HS3ST4: variants seen among roughly 807,000 people sequenced by gnomAD.
HS3ST4 encodes heparan sulfate glucosamine 3-O-sulfotransferase 4.
In HS3ST4, 17 loss-of-function variants were observed where a neutral mutation model predicts 29.2. That is an observed-to-expected ratio of 0.58 (90% CI 0.40 to 0.87). The LOEUF is 0.87. Among genes scored for constraint, HS3ST4 ranks in the 40% least tolerant of loss-of-function variants. HS3ST4 has a pLI of 0.00. For synonymous variants in HS3ST4, 314 were observed against 285.7 expected (o/e 1.10, Z -1.00); for missense variants, 627 against 634.5 (o/e 0.99, Z 0.13).
At chr16:25,729,936 C>G (rs757602273) in intron 1 of HS3ST4, among the ~76,000 whole-genome samples, 8 of 152,150 alleles carry the variant, frequency 5.3e-5, no homozygotes, top group South Asian at 2.1e-4. Flanking sequence ...CATACACAGG[C>G]AGCAATCTGT....
intron 1 of HS3ST4, among the ~76,000 whole-genome samples, chr16:25,928,153 G>A (rs984363930): frequency 4.1e-5 from 6 of 147,978 alleles, no homozygotes; most frequent in East Asian, 2.0e-4. Context: ...CTATGATCAC[G>A]CCATTGCACT....
Position 25,788,540 on chromosome 16 carries a change from C to CTTTTTTTTTTT in HS3ST4, c.734+95392_734+95393insTTTTTTTTTTT, listed in dbSNP as rs34729954. Among the ~76,000 whole-genome samples, 27 of 99,062 alleles carry CTTTTTTTTTTT rather than the reference C, an allele frequency of 2.7e-4. 1 individual carries two copies. The highest frequency in any genetic ancestry group is 4.8e-4 in the Admixed American group (4 of 8,326). 65.0% of individuals were successfully genotyped at this position (99,062 alleles called of 152,430 possible). On this transcript the variant is annotated intron_variant, in intron 1 of 1. Coordinates refer to ENST00000331351, the MANE Select transcript of HS3ST4 (RefSeq NM_006040.3). ...TTCCTACATTTTTTTTTCTTTTCTT[C>CTTTTTTTTTTT]TTTCTTTTTTTTTTTTTTTTGACAG...
chr16:26,045,265 C>T (rs1191354062), intron 1 of HS3ST4, among the ~76,000 whole-genome samples: 3 of 152,072 alleles, frequency 2.0e-5, no homozygotes, highest in Non-Finnish European at 4.4e-5. Context: ...ATGACCTCTA[C>T]CCTTTCTGAA....
intron 1 of HS3ST4, among the ~76,000 whole-genome samples, chr16:25,979,248 G>T (rs1477784668): frequency 2.0e-5 from 3 of 152,110 alleles, no homozygotes; most frequent in Admixed American, 2.0e-4. Flanking sequence ...TGCACTGGAT[G>T]TCTCTTCTTG....
At chr16:25,929,705 C>T (rs943196825) in intron 1 of HS3ST4, among the ~76,000 whole-genome samples, 1 of 152,182 alleles carries the variant, frequency 6.6e-6, no homozygotes. Flanking sequence ...AGAAGGTTGG[C>T]AGCAGGGAAG....
chr16:25,846,699 AT>A (rs905179497), intron 1 of HS3ST4, among the ~76,000 whole-genome samples: 17 of 152,256 alleles, frequency 1.1e-4, no homozygotes, highest in African/African-American at 4.1e-4. Context: ...AATTAAAAAA[AT>A]TTTCTAATAT....
chr16:25,927,393 C>G (rs528002877), intron 1 of HS3ST4, among the ~76,000 whole-genome samples: 1 of 152,318 alleles, frequency 6.6e-6, no homozygotes, highest in South Asian at 2.1e-4. Flanking sequence ...CAGACACTGG[C>G]AGAAATGAGG....
chr16:25,832,134 C>G (rs1967309545), intron 1 of HS3ST4, among the ~76,000 whole-genome samples: 2 of 151,998 alleles, frequency 1.3e-5, no homozygotes, highest in South Asian at 4.2e-4. Context: ...AAAATATAGT[C>G]CCATATATCC....
intron 1 of HS3ST4, among the ~76,000 whole-genome samples, chr16:26,080,138 C>CA (rs1349099732): frequency 1.3e-5 from 2 of 152,090 alleles, no homozygotes; most frequent in Non-Finnish European, 2.9e-5. Context: ...TGGAGAGCTC[C>CA]ACCCACCTTG....
chr16:25,910,266 T>G (rs975466291), intron 1 of HS3ST4, among the ~76,000 whole-genome samples: 28 of 152,322 alleles, frequency 1.8e-4, no homozygotes, highest in African/African-American at 6.5e-4. Flanking sequence ...TTTTGGGCTT[T>G]GGCGGTCTTA....
At chr16:25,715,970 C>T (rs1030227995) in intron 1 of HS3ST4, among the ~76,000 whole-genome samples, 2 of 152,210 alleles carry the variant, frequency 1.3e-5, no homozygotes, top group Non-Finnish European at 2.9e-5. Flanking sequence ...CCTCTTCCAT[C>T]GTGGCAGGGA....
intron 1 of HS3ST4, among the ~76,000 whole-genome samples, chr16:25,944,884 T>A (rs1164552328): frequency 6.6e-6 from 1 of 152,222 alleles, no homozygotes; most frequent in Non-Finnish European, 1.5e-5. Flanking sequence ...AATCTCCCTT[T>A]TCAAGTATGA....
At chr16:25,836,968 C>A (rs1343774736) in intron 1 of HS3ST4, among the ~76,000 whole-genome samples, 1 of 152,164 alleles carries the variant, frequency 6.6e-6, no homozygotes, top group Non-Finnish European at 1.5e-5. Context: ...TTCAGAGAGG[C>A]ATTGTTATGT....
rs142413998 is a variant in HS3ST4, at chr16:26,074,412, G to T, written c.735-61200G>T. Among the ~76,000 whole-genome samples, 105 of 152,272 alleles carry T rather than the reference G, an allele frequency of 6.9e-4. 1 individual carries two copies. Among genetic ancestry groups the T allele is most frequent in the African/African-American group, 2.4e-3 (100 of 41,568 alleles). On this transcript the variant is annotated intron_variant, in intron 1 of 1. Coordinates refer to ENST00000331351, the MANE Select transcript of HS3ST4 (RefSeq NM_006040.3). ...TGAGAGGTAAGCATACATTTATTGG[G>T]GGCTGGGAATGCTTTTGACTTCTTG...
At chr16:25,960,344 G>T (rs1007013520) in intron 1 of HS3ST4, among the ~76,000 whole-genome samples, 1 of 151,858 alleles carries the variant, frequency 6.6e-6, no homozygotes, top group Non-Finnish European at 1.5e-5. Flanking sequence ...CCAGCCTCAG[G>T]TGTTTCTTTA....
At chr16:25,940,867 G>C (rs181122568) in intron 1 of HS3ST4, among the ~76,000 whole-genome samples, 1 of 152,156 alleles carries the variant, frequency 6.6e-6, no homozygotes, top group African/African-American at 2.4e-5. Context: ...TCTCCCCCCA[G>C]CTCTCTCCCT....
At chr16:25,989,189 G>GT (rs1969092605) in intron 1 of HS3ST4, among the ~76,000 whole-genome samples, 1 of 152,216 alleles carries the variant, frequency 6.6e-6, no homozygotes, top group Non-Finnish European at 1.5e-5. Context: ...CGTGATTGGT[G>GT]TAAGAGTAGG....
At chr16:25,716,523 G>C (rs927825154) in intron 1 of HS3ST4, among the ~76,000 whole-genome samples, 6 of 152,202 alleles carry the variant, frequency 3.9e-5, no homozygotes, top group Admixed American at 1.3e-4. Flanking sequence ...TCTTGAAAAT[G>C]CTGAGGCAAC....
chr16:25,994,004 GTGTGGTGGAGA>G (rs1969137708), intron 1 of HS3ST4, among the ~76,000 whole-genome samples: 1 of 140,262 alleles, frequency 7.1e-6, no homozygotes, highest in Admixed American at 7.3e-5. Flanking sequence ...GTGTGTGTGT[GTGTGGTGGAGA>G]GAGAGAGAGA....
Sources: gnomAD v4.1 joint callset for allele counts (sites outside exome capture counted in the v4.1 genomes callset) on GRCh38, gnomAD v4.1.1 for gene constraint, MANE v1.5 for transcripts, NCBI Gene and HGNC (gene_info 2026-07-23, HGNC 2026-07-21) for gene names.